Variants in SULF2 observed in about 807,000 individuals in gnomAD.
SULF2 encodes the protein sulfatase 2, also known as extracellular sulfatase Sulf-2.
In SULF2, 52 loss-of-function variants were observed where a neutral mutation model predicts 107.7. The observed-to-expected ratio is 0.48, with a 90% CI of 0.39 to 0.61. The LOEUF (loss-of-function observed/expected upper bound fraction) is 0.61, where lower values mean the gene tolerates loss of function less well. Among genes scored for constraint, SULF2 ranks in the 20% least tolerant of loss-of-function variants. The probability of loss-of-function intolerance (pLI) is 0.00; values close to 1 mark genes in which losing one functional copy is unlikely to be tolerated. For missense variants in SULF2, 993 were observed against 1,177.3 expected (o/e 0.84, Z 2.29); for synonymous variants, 460 against 464.3 (o/e 0.99, Z 0.12).
At chr20:47,719,810 G>A (rs920387705) in intron 3 of SULF2, among the ~76,000 whole-genome samples, 3 of 152,174 alleles carry the variant, frequency 2.0e-5, no homozygotes, top group African/African-American at 7.2e-5. Context: ...GCTACAGACA[G>A]TACATACACT....
At chr20:47,784,531 T>TA (rs1378515871) in intron 1 of SULF2, among the ~76,000 whole-genome samples, 1 of 150,532 alleles carries the variant, frequency 6.6e-6, no homozygotes, top group Non-Finnish European at 1.5e-5. Context: ...GGCTTCCCTT[T>TA]CCATCTTCCA....
At chr20:47,683,329 C>T (rs111476334) in intron 6 of SULF2, among the ~76,000 whole-genome samples, 160 bp from the exon 7 acceptor site, 1 of 152,194 alleles carries the variant, frequency 6.6e-6, no homozygotes, top group African/African-American at 2.4e-5. Context: ...ACTGCACCTT[C>T]CTGCCTCTTG....
At chr20:47,721,371 T>TTTTTTTA (rs1491568166) in intron 3 of SULF2, among the ~76,000 whole-genome samples, 1 of 15,340 alleles carries the variant, frequency 6.5e-5, no homozygotes, top group Non-Finnish European at 2.5e-4. Flanking sequence ...GAAGAAGCTA[T>TTTTTTTA]TTTTTTTTTT....
intron 3 of SULF2, among the ~76,000 whole-genome samples, chr20:47,723,631 T>C (rs890785699): frequency 6.6e-6 from 1 of 152,190 alleles, no homozygotes; most frequent in African/African-American, 2.4e-5. Context: ...CAGATTATCA[T>C]AGGAGCGTGA....
intron 2 of SULF2, among the ~76,000 whole-genome samples, chr20:47,747,081 C>CTGCTGG (rs57685304): frequency 0.19 from 29,143 of 150,098 alleles, 3,183 homozygotes; most frequent in African/African-American, 0.3. Flanking sequence ...GTGCTCACTG[C>CTGCTGG]TGCTGGTGGC....
chr20:47,780,805 C>T (rs551876878), intron 1 of SULF2, among the ~76,000 whole-genome samples: 14 of 152,310 alleles, frequency 9.2e-5, no homozygotes, highest in East Asian at 7.7e-4. Context: ...CCTCCCACCT[C>T]GGCCTCTCAA....
chr20:47,715,169 G>T (rs1247289166), intron 3 of SULF2, among the ~76,000 whole-genome samples: 1 of 149,228 alleles, frequency 6.7e-6, no homozygotes, highest in Non-Finnish European at 1.5e-5. Context: ...GGGCTCAAGC[G>T]ATCTGCCCAC....
At chr20:47,659,270 TC>T (rs575703272) in intron 20 of SULF2, 128 bp downstream of exon 20, 126 of 783,040 alleles carry the variant, frequency 1.6e-4, no homozygotes, top group Non-Finnish European at 2.3e-4. Context: ...CATTAGTACT[TC>T]CCCCCCACCC....
chr20:47,713,717 T>C (rs756187556), intron 3 of SULF2, among the ~76,000 whole-genome samples: 8 of 150,890 alleles, frequency 5.3e-5, no homozygotes, highest in Non-Finnish European at 1.0e-4. Flanking sequence ...GCCACTGCAC[T>C]CCAGCCTGGG....
intron 10 of SULF2, among the ~76,000 whole-genome samples, chr20:47,674,306 G>C (rs1369263125): frequency 6.6e-6 from 1 of 152,194 alleles, no homozygotes; most frequent in East Asian, 1.9e-4. Flanking sequence ...GCTTGACTTG[G>C]GGTCCCTACA....
At chr20:47,710,651 T>C (rs185364782) in intron 3 of SULF2, among the ~76,000 whole-genome samples, 31 of 148,900 alleles carry the variant, frequency 2.1e-4, no homozygotes, top group African/African-American at 7.8e-4. Flanking sequence ...TACTAAGGGT[T>C]ATATTTTCAT....
intron 3 of SULF2, among the ~76,000 whole-genome samples, chr20:47,711,323 C>T (rs906960648): frequency 6.6e-6 from 1 of 152,198 alleles, no homozygotes; most frequent in Non-Finnish European, 1.5e-5. Flanking sequence ...GCTGTGGGAC[C>T]ACAAAGGACT....
intron 4 of SULF2, among the ~76,000 whole-genome samples, chr20:47,701,167 T>A (rs6012248): frequency 0.63 from 95,192 of 152,030 alleles, 29,970 homozygotes; most frequent in Admixed American, 0.69. Flanking sequence ...AAAAGGCAGA[T>A]GCAGAAGAGA....
intron 16 of SULF2, 94 bp downstream of exon 16, chr20:47,663,359 A>T: frequency 6.3e-7 from 1 of 1,576,636 alleles, no homozygotes; most frequent in Non-Finnish European, 8.6e-7. Flanking sequence ...GGTGTTGGGG[A>T]CCCCCTTTCT....
chr20:47,681,631 G>C (rs546319585), intron 7 of SULF2, among the ~76,000 whole-genome samples: 2 of 152,150 alleles, frequency 1.3e-5, no homozygotes, highest in South Asian at 4.1e-4. Context: ...GTGGCCTTGG[G>C]TGTAAAATGG....
chr20:47,755,113 G>A (rs1184823684), intron 2 of SULF2, among the ~76,000 whole-genome samples: 1 of 152,204 alleles, frequency 6.6e-6, no homozygotes, highest in Non-Finnish European at 1.5e-5. Context: ...TTACAGGCGT[G>A]AGCCACTGCA....
chr20:47,737,201 G>C (rs2146789874), intron 2 of SULF2, among the ~76,000 whole-genome samples: 1 of 152,282 alleles, frequency 6.6e-6, no homozygotes, highest in South Asian at 2.1e-4. Context: ...CTGGAGGTGA[G>C]TGACTGTAAG....
At chr20:47,773,690 C>T (rs1252028887) in intron 1 of SULF2, among the ~76,000 whole-genome samples, 3 of 152,258 alleles carry the variant, frequency 2.0e-5, no homozygotes, top group East Asian at 3.8e-4. Context: ...GTTATTTCTG[C>T]AAAAGGCCTT....
chr20:47,684,401 C>T (rs1450623610), intron 6 of SULF2, 30 bp downstream of exon 6: 1 of 1,578,452 alleles, frequency 6.3e-7, no homozygotes, highest in South Asian at 1.1e-5. Flanking sequence ...CGGAGCCACG[C>T]CCACCAAGAG....
Sources: allele counts gnomAD v4.1 joint callset (sites outside exome capture counted in the v4.1 genomes callset), GRCh38; gene constraint gnomAD v4.1.1; transcripts MANE v1.5; gene names NCBI Gene and HGNC (gene_info 2026-07-23, HGNC 2026-07-21).